Variants in PCLO observed in about 807,000 individuals in gnomAD.
PCLO encodes the protein protein piccolo.
In PCLO, 82 loss-of-function variants were observed where a neutral mutation model predicts 427.5. The observed-to-expected ratio is 0.19, with a 90% CI of 0.16 to 0.23. The LOEUF (loss-of-function observed/expected upper bound fraction) is 0.23, where lower values mean the gene tolerates loss of function less well. Among genes scored for constraint, PCLO ranks in the 10% least tolerant of loss-of-function variants. The pLI is 1.00. For synonymous variants in PCLO, 2,357 were observed against 2,155.4 expected (o/e 1.09, Z -2.59); for missense variants, 6,239 against 6,115.9 (o/e 1.02, Z -0.67).
chr7:82,785,705 G>A lies in PCLO; in HGVS notation c.15007+15813C>T, dbSNP rs551003527. Reference sequence around the variant, plus strand: ...TAGGTTCTTGAAAAAGTAAGCTGAGGGGTGGGTCTCAAAGGATGAAAAGGT... The same window carrying A: ...TAGGTTCTTGAAAAAGTAAGCTGAGAGGTGGGTCTCAAAGGATGAAAAGGT... On this transcript the variant is annotated intron_variant, in intron 22 of 24. Transcript: ENST00000333891. Among the ~76,000 whole-genome samples the A allele has an allele frequency of 6.3e-4, 96 of 152,198 alleles. 1 individual carries two copies. The South Asian group carries it at 0.019, about 31-fold the overall frequency.
At chr7:82,940,887 C>T (rs545317347) in intron 6 of PCLO, among the ~76,000 whole-genome samples, 2 of 150,858 alleles carry the variant, frequency 1.3e-5, no homozygotes, top group Non-Finnish European at 3.0e-5. Context: ...CTTAGCCTCC[C>T]GAGTAGCTGG....
rs774690930 is a variant in PCLO, at chr7:82,950,992, C to A, written c.9596G>T (p.Ser3199Ile). 4 of 1,613,684 alleles carry A rather than the reference C, an allele frequency of 2.5e-6. No homozygotes were observed. Among genetic ancestry groups the A allele is most frequent in the Non-Finnish European group, 3.4e-6 (4 of 1,179,866 alleles). Residue 3199 changes from serine (S) to isoleucine (I), a missense_variant, in exon 6 of 25, where the codon AGT becomes ATT. Ser to Ile is a moderately radical substitution (Grantham distance 142, BLOSUM62 -2). Coordinates refer to ENST00000333891, the MANE Select transcript of PCLO (RefSeq NM_033026.6). ...EVFPEVVGDE[S>I]ALLIVPEEDK... ...TTCTTCAGGGACAATTAAAAGAGCA[C>A]TTTCATCTCCCACCACTTCAGGAAA...
intron 22 of PCLO, among the ~76,000 whole-genome samples, chr7:82,785,277 G>T (rs371831424): frequency 1.3e-5 from 2 of 151,924 alleles, no homozygotes; most frequent in South Asian, 4.1e-4. Context: ...CATCACATGC[G>T]CAGTTCACAA....
chr7:83,156,270 T>G lies in PCLO; in HGVS notation c.371A>C (p.Lys124Thr). 6.2e-7 allele frequency: 1 copy of G among 1,613,824 alleles called. No individual in the cohort carries two copies. The highest frequency in any genetic ancestry group is 8.5e-7 in the Non-Finnish European group (1 of 1,179,750). The stretch of plus-strand genomic sequence containing the variant: ...AGTGGAAGGACTCCTCCCAGGCAAT[T>G]TCTGCTCTGACCTGAAAGTGTCTGT... ...RTTDTFRSEQ[K>T]LPGRSPSTIS... is the part of the protein sequence containing the mutation. The change falls in exon 2 of 25, where the codon AAA (lysine) becomes ACA (threonine). Residue 124 changes from lysine (K) to threonine (T), a missense_variant. This residue lies in a region of PCLO where 4,677 missense variants were observed against 4,468.4 expected (regional missense o/e 1.05). Transcript: ENST00000333891.
intron 3 of PCLO, among the ~76,000 whole-genome samples, chr7:83,024,575 C>A (rs1788437701): frequency 6.6e-6 from 1 of 152,150 alleles, no homozygotes; most frequent in Non-Finnish European, 1.5e-5. Context: ...ACAAAGCAGC[C>A]AGGAAGCTCG....
At chr7:83,092,720 CA>C (rs747482473) in intron 3 of PCLO, among the ~76,000 whole-genome samples, 2 of 151,874 alleles carry the variant, frequency 1.3e-5, no homozygotes, top group Non-Finnish European at 2.9e-5. Context: ...GAGGCCGAGG[CA>C]GGGGGATCAT....
Position 82,797,825 on chromosome 7 carries a change from A to C in PCLO, c.15007+3693T>G, listed in dbSNP as rs550945720. On this transcript the variant is annotated intron_variant, in intron 22 of 24. Transcript: ENST00000333891. ...CCCATTGAACTAATCTCATGCTGGGATTAAAATTCATAAACAACTTCTGTG... is the reference window on the plus strand; with the variant it reads ...CCCATTGAACTAATCTCATGCTGGGCTTAAAATTCATAAACAACTTCTGTG... Among the ~76,000 whole-genome samples the C allele has an allele frequency of 1.1e-4, 16 of 152,286 alleles. No individual in the cohort carries two copies. The South Asian group carries it at 3.1e-3, about 30-fold the overall frequency.
chr7:83,137,588 G>T (rs1297736801), intron 2 of PCLO, among the ~76,000 whole-genome samples: 1 of 151,980 alleles, frequency 6.6e-6, no homozygotes, highest in Non-Finnish European at 1.5e-5. Flanking sequence ...CCACCACCAC[G>T]CCCGGCTGAT....
chr7:82,759,685 G>T (rs1790390117), intron 24 of PCLO, among the ~76,000 whole-genome samples: 1 of 151,524 alleles, frequency 6.6e-6, no homozygotes. Flanking sequence ...TTTTATCTTT[G>T]TCTCTAATTC....
intron 2 of PCLO, among the ~76,000 whole-genome samples, chr7:83,153,786 C>T (rs1792197532): frequency 6.6e-6 from 1 of 152,168 alleles, no homozygotes; most frequent in Non-Finnish European, 1.5e-5. Context: ...TGACTCTAAC[C>T]TATCTCCAAC....
At chr7:82,872,748 A>G (rs1260260548) in intron 10 of PCLO, among the ~76,000 whole-genome samples, 2 of 152,154 alleles carry the variant, frequency 1.3e-5, no homozygotes, top group Non-Finnish European at 2.9e-5. Flanking sequence ...TAACCAGGGA[A>G]TGCTTAAATC....
At chr7:83,007,092 C>T (rs1787965174) in intron 3 of PCLO, among the ~76,000 whole-genome samples, 1 of 151,410 alleles carries the variant, frequency 6.6e-6, no homozygotes, top group Non-Finnish European at 1.5e-5. Flanking sequence ...TGACCATTGC[C>T]TGTAAATTAG....
At chr7:82,803,206 T>A (rs1791394581) in intron 21 of PCLO, among the ~76,000 whole-genome samples, 1 of 152,082 alleles carries the variant, frequency 6.6e-6, no homozygotes, top group Non-Finnish European at 1.5e-5. Context: ...ATAGCAGTAA[T>A]CTTACTTTTA....
intron 3 of PCLO, among the ~76,000 whole-genome samples, chr7:83,059,968 A>G (rs1789503729): frequency 6.6e-6 from 1 of 152,186 alleles, no homozygotes; most frequent in Non-Finnish European, 1.5e-5. Context: ...AGAAACAAAA[A>G]CAGTCTAATG....
At chr7:83,104,169 A>C (rs2116497482) in intron 3 of PCLO, among the ~76,000 whole-genome samples, 1 of 118,006 alleles carries the variant, frequency 8.5e-6, no homozygotes, top group Non-Finnish European at 1.8e-5. Flanking sequence ...AGAGTGTTTT[A>C]GAAAAATAAA....
chr7:82,835,016 C>T (rs1792195336), intron 16 of PCLO, among the ~76,000 whole-genome samples: 1 of 151,814 alleles, frequency 6.6e-6, no homozygotes, highest in Non-Finnish European at 1.5e-5. Context: ...GCGATCTTGG[C>T]TCACTGCAAG....
At chr7:82,866,113 C>G (rs1422134196) in intron 10 of PCLO, among the ~76,000 whole-genome samples, 1 of 152,140 alleles carries the variant, frequency 6.6e-6, no homozygotes. Flanking sequence ...TGCTCTTGCT[C>G]AGGATATTTG....
At chr7:82,835,192 C>T (rs1222626674) in intron 16 of PCLO, among the ~76,000 whole-genome samples, 2 of 152,082 alleles carry the variant, frequency 1.3e-5, no homozygotes, top group African/African-American at 4.8e-5. Context: ...GATCTGCCCA[C>T]CTCGGCCTCC....
intron 16 of PCLO, among the ~76,000 whole-genome samples, chr7:82,833,416 C>T (rs1427000864): frequency 1.3e-5 from 2 of 152,238 alleles, no homozygotes; most frequent in African/African-American, 2.4e-5. Flanking sequence ...ATTGAGTTCA[C>T]GCACGACCCA....
Sources: allele counts gnomAD v4.1 joint callset (sites outside exome capture counted in the v4.1 genomes callset), GRCh38; gene constraint gnomAD v4.1.1; regional missense constraint gnomAD v4.1.1; transcripts MANE v1.5; gene names NCBI Gene and HGNC (gene_info 2026-07-23, HGNC 2026-07-21).